The following DAB2IP variants were observed in gnomAD, a reference collection of about 807,000 sequenced individuals.
DAB2IP encodes the protein disabled homolog 2-interacting protein.
A neutral mutation model predicts 107.2 loss-of-function variants in DAB2IP; 28 were observed. That is an observed-to-expected ratio of 0.26 (90% CI 0.19 to 0.36). The LOEUF (loss-of-function observed/expected upper bound fraction) is 0.36. DAB2IP is among the 10% of genes least tolerant of loss of function. The pLI, the probability that DAB2IP is intolerant of heterozygous loss-of-function variation, is 1.00. For missense variants in DAB2IP, 1,400 were observed against 1,644.7 expected (o/e 0.85, Z 2.57); for synonymous variants, 755 against 706.4 (o/e 1.07, Z -1.09).
intron 3 of DAB2IP, chr9:121,742,661 C>A: frequency 2.2e-6 from 2 of 899,232 alleles, no homozygotes; most frequent in Non-Finnish European, 2.7e-6. Context: ...CCTCGGCCAG[C>A]TTGCCTGAGT....
intron 1 of DAB2IP, chr9:121,567,280 A>G (rs1243772968): frequency 1.2e-6 from 2 of 1,612,554 alleles, no homozygotes; most frequent in South Asian, 1.1e-5. Flanking sequence ...CTCTCTGCTC[A>G]ACAGACTTTT....
intron 14 of DAB2IP, among the ~76,000 whole-genome samples, chr9:121,780,816 C>A (rs1286002514): frequency 6.6e-6 from 1 of 152,166 alleles, no homozygotes; most frequent in South Asian, 2.1e-4. Flanking sequence ...GGTGGTATGT[C>A]CCCCAGCTAC....
chr9:121,657,104 G>A (rs905390845), intron 1 of DAB2IP, among the ~76,000 whole-genome samples: 2 of 152,174 alleles, frequency 1.3e-5, no homozygotes, highest in African/African-American at 4.8e-5. Context: ...GGACCTCCCC[G>A]GCCTGCCCCT....
rs1835771203 is a variant in DAB2IP, at chr9:121,782,958, C to G, written c.*460C>G. Reference sequence around the variant, plus strand: ...GGGGGGCCCGGGACTCCCTGGCAGCCAGGCCCTGTCATGTGGGACCTGGCA... The same window carrying G: ...GGGGGGCCCGGGACTCCCTGGCAGCGAGGCCCTGTCATGTGGGACCTGGCA... On this transcript the variant is annotated 3_prime_UTR_variant, in exon 16 of 16. Coordinates refer to ENST00000408936, the Ensembl canonical transcript of DAB2IP. This position sits in a 1 kb window ranked among gnomAD's most constrained non-coding sequence, Gnocchi z 6.1. 8.8e-6 allele frequency: 9 copies of G among 1,020,182 alleles called. No individual in the cohort carries two copies. The highest frequency in any genetic ancestry group is 1.1e-5 in the Non-Finnish European group (9 of 851,034). The allele number at this position is 1,020,182 out of a possible 1,614,324, so 63.2% of individuals were successfully genotyped here.
chr9:121,785,240 C>T (rs1407248394), exon 16 of DAB2IP: 2 of 152,684 alleles, frequency 1.3e-5, no homozygotes, highest in Non-Finnish European at 2.9e-5. Flanking sequence ...CTGCGCCCCG[C>T]ACGACTGCGG....
At chr9:121,758,861 C>T (rs1210896991) in intron 4 of DAB2IP, 37 bp from the exon 5 acceptor site, 2 of 1,591,330 alleles carry the variant, frequency 1.3e-6, no homozygotes, top group South Asian at 1.1e-5. Flanking sequence ...TGCTGTGGTC[C>T]CTTCCCTCAT....
intron 1 of DAB2IP, among the ~76,000 whole-genome samples, chr9:121,646,235 G>A (rs1832531482): frequency 6.6e-6 from 1 of 152,140 alleles, no homozygotes; most frequent in Non-Finnish European, 1.5e-5. Context: ...CTTTTGGGAG[G>A]AAGTCTGGGG....
chr9:121,569,965 T>TG (rs35358707), intron 1 of DAB2IP, among the ~76,000 whole-genome samples: 46,120 of 151,698 alleles, frequency 0.3, 7,603 homozygotes, highest in African/African-American at 0.4. Context: ...AATTAAAATT[T>TG]TTGTGTGTGT....
intron 1 of DAB2IP, among the ~76,000 whole-genome samples, chr9:121,589,846 C>T (rs1830388340): frequency 6.6e-6 from 1 of 152,012 alleles, no homozygotes; most frequent in African/African-American, 2.4e-5. Context: ...CATCCCAGCT[C>T]CCGATGTAGG....
chr9:121,688,222 T>C (rs1828984766), intron 2 of DAB2IP, among the ~76,000 whole-genome samples: 1 of 152,140 alleles, frequency 6.6e-6, no homozygotes, highest in Non-Finnish European at 1.5e-5. Context: ...GGTATTTTGG[T>C]GGGATTACAG....
intron 2 of DAB2IP, among the ~76,000 whole-genome samples, chr9:121,683,044 C>T (rs1040214721): frequency 6.6e-6 from 1 of 152,124 alleles, no homozygotes; most frequent in African/African-American, 2.4e-5. Context: ...GAGATTCAAA[C>T]CCAGGTCTGT....
chr9:121,770,634 G>C (rs1834651409), exon 11 of DAB2IP: 1 of 1,614,026 alleles, frequency 6.2e-7, no homozygotes, highest in Non-Finnish European at 8.5e-7. Flanking sequence ...CAGCTCCCAG[G>C]GACCAATGAC....
chr9:121,750,082 C>T (rs943727948), intron 3 of DAB2IP, among the ~76,000 whole-genome samples: 1 of 152,180 alleles, frequency 6.6e-6, no homozygotes, highest in African/African-American at 2.4e-5. Flanking sequence ...CCTGAGCCTC[C>T]CGCCTGCATG....
intron 3 of DAB2IP, among the ~76,000 whole-genome samples, chr9:121,741,944 G>T (rs536021938): frequency 9.6e-4 from 146 of 152,034 alleles, no homozygotes; most frequent in Middle Eastern, 3.4e-3. Context: ...GGTTACAAGT[G>T]GCAGAGTCCG....
chr9:121,670,738 C>T (rs72764059), intron 1 of DAB2IP, among the ~76,000 whole-genome samples: 4,816 of 152,244 alleles, frequency 0.032, 129 homozygotes, highest in South Asian at 0.084. Context: ...ATCATTTGGC[C>T]GGGCACAGTG....
At chr9:121,722,890 A>T (rs1185812521) in intron 3 of DAB2IP, among the ~76,000 whole-genome samples, 1 of 152,226 alleles carries the variant, frequency 6.6e-6, no homozygotes, top group African/African-American at 2.4e-5. Flanking sequence ...CAAAACTTCT[A>T]TGCCACTCCC....
intron 1 of DAB2IP, among the ~76,000 whole-genome samples, chr9:121,626,969 G>A (rs985546148): frequency 4.0e-5 from 6 of 151,544 alleles, no homozygotes; most frequent in Non-Finnish European, 8.8e-5. Flanking sequence ...TACTCTCTGT[G>A]CTCACACAAG....
intron 1 of DAB2IP, among the ~76,000 whole-genome samples, chr9:121,627,726 A>G (rs1831713958): frequency 6.6e-6 from 1 of 152,216 alleles, no homozygotes; most frequent in Admixed American, 6.5e-5. Context: ...CATTTTTCTC[A>G]GTGCTGCCTT....
At chr9:121,719,704 T>G (rs1207799900) in intron 3 of DAB2IP, among the ~76,000 whole-genome samples, 1 of 152,222 alleles carries the variant, frequency 6.6e-6, no homozygotes, top group Non-Finnish European at 1.5e-5. Context: ...CATCTCTTAG[T>G]GCTTACAGTG....
Sources: allele counts gnomAD v4.1 joint callset (sites outside exome capture counted in the v4.1 genomes callset), GRCh38; gene constraint gnomAD v4.1.1; non-coding constraint Gnocchi (gnomAD v3.1); transcripts MANE v1.5; gene names NCBI Gene and HGNC (gene_info 2026-07-23, HGNC 2026-07-21).